Variants in PDE4DIP observed in about 807,000 individuals in gnomAD.
The protein encoded by PDE4DIP is phosphodiesterase 4D interacting protein, also known as myomegalin.
In PDE4DIP, 59 loss-of-function variants were observed where a neutral mutation model predicts 221.4. The observed-to-expected ratio is 0.27, with a 90% CI of 0.22 to 0.33. The LOEUF is 0.33. PDE4DIP is among the 10% of genes least tolerant of loss of function. PDE4DIP has a pLI of 1.00. For missense variants in PDE4DIP, 1,036 were observed against 2,154.2 expected (o/e 0.48, Z 10.28); for synonymous variants, 404 against 815.9 (o/e 0.50, Z 8.60).
intron 19 of PDE4DIP, among the ~76,000 whole-genome samples, chr1:148,978,741 C>T (rs1553539884): frequency 1.3e-5 from 2 of 151,976 alleles, no homozygotes; most frequent in African/African-American, 2.4e-5. Flanking sequence ...CACCACCACG[C>T]CCGGCTCAAA....
At chr1:149,023,136 T>C (rs1409751518) in intron 37 of PDE4DIP, among the ~76,000 whole-genome samples, 1 of 152,174 alleles carries the variant, frequency 6.6e-6, no homozygotes, top group African/African-American at 2.4e-5. Flanking sequence ...ATTTCAAAGC[T>C]ACAACCACTA....
At position 148,963,077 on chromosome 1, in the gene PDE4DIP, T is replaced by C. The variant is rs1232873525; in HGVS notation, c.1194+437T>C. ...CTGGCTAATGTTGTTTTTGTATTTT[T>C]GGTAGAGACAGGTTTTCATCGTGTT... On this transcript the variant is annotated intron_variant, in intron 9 of 43. Coordinates refer to ENST00000369354, the Ensembl canonical transcript of PDE4DIP. 7.9e-5 allele frequency among the ~76,000 whole-genome samples: 12 copies of C among 152,236 alleles called. No homozygotes were observed. The East Asian group carries it at 1.9e-3, about 25-fold the overall frequency.
At chr1:148,829,110 C>T (rs1234709957) in intron 1 of PDE4DIP, among the ~76,000 whole-genome samples, 1 of 146,476 alleles carries the variant, frequency 6.8e-6, no homozygotes, top group African/African-American at 2.5e-5. Context: ...TTTTCTGCTC[C>T]CTAGACCTCC....
intron 14 of PDE4DIP, among the ~76,000 whole-genome samples, chr1:148,970,603 G>C (rs1354385387): frequency 6.6e-6 from 1 of 151,804 alleles, no homozygotes; most frequent in Admixed American, 6.6e-5. Flanking sequence ...AAGAAATTAC[G>C]AGGTATAGGT....
chr1:148,918,685 A>C (rs2044717714), intron 1 of PDE4DIP, among the ~76,000 whole-genome samples: 1 of 135,610 alleles, frequency 7.4e-6, no homozygotes, highest in African/African-American at 2.9e-5. Flanking sequence ...CAAACACCTA[A>C]TCTCCTTAGC....
At chr1:148,996,498 C>T (rs1402132597) in intron 22 of PDE4DIP, among the ~76,000 whole-genome samples, 1 of 152,150 alleles carries the variant, frequency 6.6e-6, no homozygotes, top group Non-Finnish European at 1.5e-5. Context: ...CCAGGAGCCT[C>T]CCAAATCTCA....
rs375830449 is a variant in PDE4DIP at position 149,012,529 on chromosome 1, A to G, written c.5081-62A>G. On this transcript the variant is annotated intron_variant, in intron 31 of 43. Coordinates refer to ENST00000369354, the Ensembl canonical transcript of PDE4DIP. ...CTTTTACCTTCTCAATCTTTTACCC[A>G]TTCTTTTCTCTCATTTTCTCTTGAT... The G allele has an allele frequency of 4.4e-6, 4 of 914,722 alleles. No homozygotes were observed. In the African/African-American group the frequency reaches 6.7e-5, roughly 15 times the overall value. The allele number at this position is 914,722 out of a possible 1,614,324, so 56.7% of individuals were successfully genotyped here.
intron 1 of PDE4DIP, among the ~76,000 whole-genome samples, chr1:148,923,862 C>G (rs1352891671): frequency 6.8e-6 from 1 of 146,520 alleles, no homozygotes; most frequent in Admixed American, 6.7e-5. Flanking sequence ...TTTGCAAACC[C>G]TATTTTATAA....
chr1:148,950,660 G>A (rs1460462376), intron 5 of PDE4DIP, among the ~76,000 whole-genome samples: 5 of 143,748 alleles, frequency 3.5e-5, no homozygotes, highest in African/African-American at 1.3e-4. Context: ...TGGAGCGGTG[G>A]AGGCACCACA....
chr1:148,901,935 G>A (rs1329979622), intron 1 of PDE4DIP, among the ~76,000 whole-genome samples: 3 of 117,428 alleles, frequency 2.6e-5, no homozygotes, highest in Non-Finnish European at 3.4e-5. Flanking sequence ...TGTGAACTCC[G>A]AAAATTTGAG....
At chr1:148,962,988 A>G (rs2151732052) in intron 9 of PDE4DIP, among the ~76,000 whole-genome samples, 1 of 152,168 alleles carries the variant, frequency 6.6e-6, no homozygotes, top group Admixed American at 6.5e-5. Flanking sequence ...CGCCTCCTGT[A>G]TTCATGCCAT....
At position 149,020,081 on chromosome 1, in the gene PDE4DIP, T is replaced by C. The variant is rs377646882; in HGVS notation, c.5771-66T>C. The C allele has an allele frequency of 5.7e-3, 2,738 of 476,240 alleles. 11 individuals carry two copies. The highest frequency in any genetic ancestry group is 0.022 in the Middle Eastern group (40 of 1,786). The allele number at this position is 476,240 out of a possible 1,614,324, so 29.5% of individuals were successfully genotyped here. ...CTCTGTCTGTCAGGGTGGATGTGCT[T>C]GGGGTCATCTTCCAGCTGAGCTCTG... On this transcript the variant is annotated intron_variant, in intron 35 of 43. Coordinates refer to ENST00000369354, the Ensembl canonical transcript of PDE4DIP.
intron 42 of PDE4DIP, 57 bp from the exon 46 acceptor site, chr1:149,030,175 A>G (rs1465971227): frequency 2.3e-6 from 3 of 1,326,280 alleles, no homozygotes; most frequent in Non-Finnish European, 3.2e-6. Context: ...ATGCTAAGCA[A>G]GTAGGGTTAA....
intron 1 of PDE4DIP, among the ~76,000 whole-genome samples, chr1:148,815,420 G>A (rs1305444123): frequency 3.4e-5 from 5 of 146,886 alleles, no homozygotes; most frequent in African/African-American, 1.2e-4. Context: ...GTGGTGGCAT[G>A]CGCCTGTAAT....
At chr1:148,882,078 T>C (rs1268511466) in intron 3 of PDE4DIP, among the ~76,000 whole-genome samples, 5 of 123,362 alleles carry the variant, frequency 4.1e-5, no homozygotes, top group Admixed American at 1.7e-4. Flanking sequence ...ATTCAGATTT[T>C]ATGAGAACAG....
intron 37 of PDE4DIP, among the ~76,000 whole-genome samples, chr1:149,022,436 C>A (rs1433108363): frequency 6.6e-6 from 1 of 151,716 alleles, no homozygotes; most frequent in African/African-American, 2.4e-5. Context: ...TATTTTATGT[C>A]CCTCCAGAAG....
intron 1 of PDE4DIP, among the ~76,000 whole-genome samples, chr1:148,898,982 T>C (rs1572949476): frequency 9.6e-6 from 1 of 104,138 alleles, no homozygotes; most frequent in African/African-American, 4.3e-5. Flanking sequence ...CAGGCGTGTG[T>C]CACCATGCCC....
chr1:149,007,299 A>T, exon 28 of PDE4DIP: 2 of 1,605,972 alleles, frequency 1.2e-6, no homozygotes, highest in Non-Finnish European at 1.7e-6. Context: ...ATCACCCGGC[A>T]TGCAAAAGAT....
At chr1:148,944,071 A>T (rs1372370055) in intron 5 of PDE4DIP, among the ~76,000 whole-genome samples, 2 of 152,248 alleles carry the variant, frequency 1.3e-5, no homozygotes, top group Non-Finnish European at 2.9e-5. Flanking sequence ...AGATACCAAG[A>T]TGAGAAAGCT....
Sources: gnomAD v4.1 joint callset for allele counts (sites outside exome capture counted in the v4.1 genomes callset) on GRCh38, gnomAD v4.1.1 for gene constraint, MANE v1.5 for transcripts, NCBI Gene and HGNC (gene_info 2026-07-23, HGNC 2026-07-21) for gene names.